LRP8: variants seen among roughly 807,000 people sequenced by gnomAD.
LRP8 encodes LDL receptor related protein 8.
Under a neutral mutation model 111.6 loss-of-function variants are expected in LRP8, and 46 were observed. The observed-to-expected ratio is 0.41, with a 90% CI of 0.33 to 0.53. The LOEUF (loss-of-function observed/expected upper bound fraction) is 0.53, where lower values mean the gene tolerates loss of function less well. Ranked by LOEUF, LRP8 falls within the 20% of genes least tolerant of loss-of-function variation. The pLI, the probability that LRP8 is intolerant of heterozygous loss-of-function variation, is 0.20. For missense variants in LRP8, 959 were observed against 1,297.4 expected (o/e 0.74, Z 4.01); for synonymous variants, 464 against 511.2 (o/e 0.91, Z 1.24).
At position 53,245,660 on chromosome 1, in the gene LRP8, A is replaced by G. The variant is rs918379928; in HGVS notation, c.*1358T>C. On this transcript the variant is annotated 3_prime_UTR_variant, in exon 19 of 19. Coordinates refer to ENST00000306052, the MANE Select transcript of LRP8 (RefSeq NM_004631.5). ...ATTTCCCCCCTCAAATATGACTTCA[A>G]TTTTGGCCAGTTGTTCTGACTTAAG... The G allele has an allele frequency of 2.0e-5, 3 of 152,624 alleles. No homozygotes were observed. Among genetic ancestry groups the G allele is most frequent in the East Asian group, 3.8e-4 (2 of 5,208 alleles). 9.5% of individuals were successfully genotyped at this position (152,624 alleles called of 1,614,324 possible).
rs567119095 is a variant in LRP8, at chr1:53,276,870, C to T, written c.705G>A (p.Glu235=). 4 of 1,398,262 alleles carry T rather than the reference C, an allele frequency of 2.9e-6. No homozygotes were observed. The highest frequency in any genetic ancestry group is 1.4e-5 in the South Asian group (1 of 73,024). 86.6% of individuals were successfully genotyped at this position (1,398,262 alleles called of 1,614,324 possible). ...GCTCGGCTGCCTCGTCCGAGCGGTC[C>T]TCGCAGTCAAACTGGCGGTCGCAGA... The part of the protein sequence containing the change: ...RWVCDRQFDC[E]DRSDEAAELC... The change falls in exon 5 of 19, where the codon GAG becomes GAA. Residue 235 remains glutamate, a synonymous_variant. Coordinates refer to ENST00000306052, the MANE Select transcript of LRP8 (RefSeq NM_004631.5).
intron 2 of LRP8, among the ~76,000 whole-genome samples, chr1:53,325,499 G>T (rs1335258574): frequency 6.6e-6 from 1 of 152,204 alleles, no homozygotes; most frequent in Admixed American, 6.5e-5. Flanking sequence ...ATGTTGCTGG[G>T]GCAGGAATTA....
In LRP8 at chr1:53,249,585, C is replaced by G. The variant is rs758060788; in HGVS notation, c.2677-29G>C. The G allele has an allele frequency of 5.8e-6, 9 of 1,554,446 alleles. No individual in the cohort carries two copies. The highest frequency in any genetic ancestry group is 7.8e-6 in the Non-Finnish European group (9 of 1,149,714). ...ACAGGGGGATGGCACTGTGGATGAC[C>G]TCTGAGGTCACACTCAGCCCCCTGA... On this transcript the variant is annotated intron_variant, in intron 17 of 18. Coordinates refer to ENST00000306052, the MANE Select transcript of LRP8 (RefSeq NM_004631.5). This position sits in a 1 kb window ranked among gnomAD's most constrained non-coding sequence, Gnocchi z 4.1.
chr1:53,290,850 G>A (rs1332948243), intron 2 of LRP8, among the ~76,000 whole-genome samples: 1 of 152,088 alleles, frequency 6.6e-6, no homozygotes, highest in African/African-American at 2.4e-5. Flanking sequence ...GGGGGTGCGG[G>A]GGTGTTGGAG....
chr1:53,315,466 G>A (rs1244871006), intron 2 of LRP8, among the ~76,000 whole-genome samples: 2 of 152,206 alleles, frequency 1.3e-5, no homozygotes, highest in Non-Finnish European at 2.9e-5. Flanking sequence ...CAACCACCTT[G>A]AGGGGCGGCT....
At chr1:53,298,423 G>T (rs1157857203) in intron 2 of LRP8, among the ~76,000 whole-genome samples, 1 of 152,196 alleles carries the variant, frequency 6.6e-6, no homozygotes, top group Non-Finnish European at 1.5e-5. Context: ...CGCCTGCAAA[G>T]GGACCAAGCA....
chr1:53,264,499 A>G (rs1236242933), intron 9 of LRP8, 103 bp from the exon 10 acceptor site: 2 of 896,318 alleles, frequency 2.2e-6, no homozygotes, highest in Non-Finnish European at 3.5e-6. Context: ...GGCCATGGCA[A>G]TAGATTTTTA....
At chr1:53,320,580 T>C (rs1359923218) in intron 2 of LRP8, among the ~76,000 whole-genome samples, 4 of 152,210 alleles carry the variant, frequency 2.6e-5, no homozygotes, top group Non-Finnish European at 5.9e-5. Flanking sequence ...CATCAGGTTC[T>C]CAGTTTCCCC....
chr1:53,327,776 C>T lies in LRP8; in HGVS notation c.124+13G>A. On this transcript the variant is annotated intron_variant, in intron 1 of 18. Transcript: ENST00000306052. ...GGCGGAGCAGAGCCGAGTCAGAGAC[C>T]GGCTGCACGCACCTTGGCCGCCGAG... 1 of 1,506,792 alleles carries T rather than the reference C, an allele frequency of 6.6e-7. No individual in the cohort carries two copies. 93.3% of individuals were successfully genotyped at this position (1,506,792 alleles called of 1,614,324 possible). A position where few individuals can be genotyped will look rare whatever the true frequency, so the allele number is the denominator to read the frequency against.
At chr1:53,247,973 A>T (rs1645779734) in intron 18 of LRP8, among the ~76,000 whole-genome samples, 1 of 152,138 alleles carries the variant, frequency 6.6e-6, no homozygotes, top group Non-Finnish European at 1.5e-5. Flanking sequence ...CCTCATAGTT[A>T]TGTGAATTTG....
intron 2 of LRP8, among the ~76,000 whole-genome samples, chr1:53,290,626 C>T (rs969073856): frequency 3.9e-5 from 6 of 152,180 alleles, no homozygotes; most frequent in Non-Finnish European, 7.3e-5. Flanking sequence ...CAGCCCGGTT[C>T]TTTACTGCCT....
At chr1:53,325,065 G>A (rs1286331517) in intron 2 of LRP8, among the ~76,000 whole-genome samples, 1 of 152,192 alleles carries the variant, frequency 6.6e-6, no homozygotes, top group South Asian at 2.1e-4. Context: ...GCCCAGACAC[G>A]CAGTTTCTAT....
rs1391810774 is a variant in LRP8 at position 53,243,338 on chromosome 1, A to G, written c.*3680T>C. On this transcript the variant is annotated 3_prime_UTR_variant, in exon 19 of 19. Transcript: ENST00000306052. ...TCTAAGAGGCTCTCGACAACATGGC[A>G]TGCATCTGTGAAAATCCCACTGCCC... 1.3e-5 allele frequency: 2 copies of G among 152,194 alleles called. No homozygotes were observed. Among genetic ancestry groups the G allele is most frequent in the East Asian group, 3.8e-4 (2 of 5,202 alleles). The allele number at this position is 152,194 out of a possible 1,614,324, so 9.4% of individuals were successfully genotyped here. A position where few individuals can be genotyped will look rare whatever the true frequency, so the allele number is the denominator to read the frequency against.
At chr1:53,282,092 C>T (rs957560883) in intron 3 of LRP8, among the ~76,000 whole-genome samples, 7 of 152,208 alleles carry the variant, frequency 4.6e-5, no homozygotes, top group African/African-American at 1.7e-4. Context: ...ACCAGTTTCT[C>T]CTCTTCCCAT....
intron 3 of LRP8, among the ~76,000 whole-genome samples, chr1:53,280,958 C>T (rs1048572319): frequency 2.6e-5 from 4 of 152,224 alleles, no homozygotes; most frequent in Admixed American, 2.6e-4. Context: ...CCCTGGCCCT[C>T]AAGTCCCTTT....
chr1:53,291,898 G>C (rs926528730), intron 2 of LRP8: 1 of 152,218 alleles, frequency 6.6e-6, no homozygotes, highest in African/African-American at 2.4e-5. Flanking sequence ...GTCCAACATG[G>C]TTTGCTTTCT....
At chr1:53,321,165 A>G (rs1557872561) in intron 2 of LRP8, among the ~76,000 whole-genome samples, 2 of 152,238 alleles carry the variant, frequency 1.3e-5, no homozygotes, top group Admixed American at 6.5e-5. Flanking sequence ...GGCGGAGTGC[A>G]CAATGTTGAG....
Position 53,257,533 on chromosome 1 carries a change from T to C in LRP8, c.2210-69A>G, listed in dbSNP as rs988761537. 6 of 1,193,942 alleles carry C rather than the reference T, an allele frequency of 5.0e-6. No homozygotes were observed. The African/African-American group carries it at 7.5e-5, about 15-fold the overall frequency. The allele number at this position is 1,193,942 out of a possible 1,614,324, so 74.0% of individuals were successfully genotyped here. A position where few individuals can be genotyped will look rare whatever the true frequency, so the allele number is the denominator to read the frequency against. Reference sequence around the variant, plus strand: ...GTTGCCTAAGGTATTGCCTCTGAGATATACTTAGGAACTTATCTTCATGGC... The same window carrying C: ...GTTGCCTAAGGTATTGCCTCTGAGACATACTTAGGAACTTATCTTCATGGC... On this transcript the variant is annotated intron_variant, in intron 14 of 18. Transcript: ENST00000306052.
intron 8 of LRP8, among the ~76,000 whole-genome samples, chr1:53,269,676 A>G (rs1646700779): frequency 6.6e-6 from 1 of 151,964 alleles, no homozygotes; most frequent in Admixed American, 6.6e-5. Context: ...TTCCATTTAA[A>G]ACTAGAACCC....
Sources: allele counts gnomAD v4.1 joint callset (sites outside exome capture counted in the v4.1 genomes callset), GRCh38; gene constraint gnomAD v4.1.1; non-coding constraint Gnocchi (gnomAD v3.1); transcripts MANE v1.5; gene names NCBI Gene and HGNC (gene_info 2026-07-23, HGNC 2026-07-21).